The following TRAPPC9 variants were observed in gnomAD, a reference collection of about 807,000 sequenced individuals.
TRAPPC9 encodes trafficking protein particle complex subunit 9, also known as IKK2 binding protein.
TRAPPC9 carries 83 observed loss-of-function variants against 124.0 expected under a neutral mutation model. That is an observed-to-expected ratio of 0.67 (90% CI 0.56 to 0.80). TRAPPC9 has a LOEUF of 0.80. Among genes scored for constraint, TRAPPC9 ranks in the 30% least tolerant of loss-of-function variants. The pLI, the probability that TRAPPC9 is intolerant of heterozygous loss-of-function variation, is 0.00. For missense variants in TRAPPC9, 1,302 were observed against 1,508.3 expected (o/e 0.86, Z 2.27); for synonymous variants, 638 against 617.5 (o/e 1.03, Z -0.49).
At chr8:139,796,859 C>G (rs1823136279) in intron 21 of TRAPPC9, among the ~76,000 whole-genome samples, 1 of 152,236 alleles carries the variant, frequency 6.6e-6, no homozygotes, top group African/African-American at 2.4e-5. Flanking sequence ...ATTACATTCC[C>G]ACCAGCAGTG....
chr8:139,831,669 C>G (rs993646585), intron 21 of TRAPPC9, among the ~76,000 whole-genome samples: 1 of 152,214 alleles, frequency 6.6e-6, no homozygotes. Context: ...CAGTCATCCA[C>G]CCCACCCCTC....
At chr8:140,274,592 T>A (rs935794586) in intron 15 of TRAPPC9, among the ~76,000 whole-genome samples, 1 of 152,234 alleles carries the variant, frequency 6.6e-6, no homozygotes, top group Admixed American at 6.5e-5. Context: ...TCCAGAGCGG[T>A]ACAAGCCCAA....
intron 10 of TRAPPC9, among the ~76,000 whole-genome samples, chr8:140,302,275 A>C (rs1306400625): frequency 6.6e-6 from 1 of 152,142 alleles, no homozygotes; most frequent in Non-Finnish European, 1.5e-5. Flanking sequence ...CGCCCTCCAG[A>C]CCAAGGGCAC....
chr8:139,740,965 C>T (rs1818514213), intron 21 of TRAPPC9, among the ~76,000 whole-genome samples: 1 of 152,174 alleles, frequency 6.6e-6, no homozygotes, highest in South Asian at 2.1e-4. Context: ...GAGGCCCAGC[C>T]CTGGGCAGCT....
chr8:140,359,256 C>T (rs1050604847), intron 9 of TRAPPC9, among the ~76,000 whole-genome samples: 1 of 152,186 alleles, frequency 6.6e-6, no homozygotes, highest in Non-Finnish European at 1.5e-5. Flanking sequence ...ACTCTGCACA[C>T]ATCAGTCTCC....
At chr8:140,009,756 G>C (rs1157472393) in intron 18 of TRAPPC9, among the ~76,000 whole-genome samples, 1 of 151,242 alleles carries the variant, frequency 6.6e-6, no homozygotes, top group Non-Finnish European at 1.5e-5. Context: ...CGTCCCCCCT[G>C]CTATGCTGAT....
chr8:139,761,682 T>C (rs558862302), intron 21 of TRAPPC9, among the ~76,000 whole-genome samples: 2 of 152,106 alleles, frequency 1.3e-5, no homozygotes, highest in African/African-American at 4.8e-5. Flanking sequence ...CTCCACTTCC[T>C]GGCTCCAGGT....
At chr8:140,274,320 C>T (rs2065049849) in intron 15 of TRAPPC9, among the ~76,000 whole-genome samples, 1 of 152,172 alleles carries the variant, frequency 6.6e-6, no homozygotes, top group African/African-American at 2.4e-5. Flanking sequence ...ATGCCCACTC[C>T]CTGCTCTGGG....
At chr8:140,308,081 G>A (rs2066186682) in intron 10 of TRAPPC9, among the ~76,000 whole-genome samples, 1 of 152,080 alleles carries the variant, frequency 6.6e-6, no homozygotes, top group Non-Finnish European at 1.5e-5. Flanking sequence ...CGTGAAAGAT[G>A]ACTAAGTGTC....
chr8:140,315,385 T>C (rs915092218), intron 9 of TRAPPC9, among the ~76,000 whole-genome samples: 2 of 152,072 alleles, frequency 1.3e-5, no homozygotes, highest in Non-Finnish European at 2.9e-5. Flanking sequence ...ATTAACAAGG[T>C]CTTCTTGAAG....
At chr8:139,952,722 T>A (rs961116178) in intron 19 of TRAPPC9, among the ~76,000 whole-genome samples, 1 of 152,216 alleles carries the variant, frequency 6.6e-6, no homozygotes, top group Non-Finnish European at 1.5e-5. Context: ...GGAAAGCAGC[T>A]GTGGCAGTCG....
rs1208711282 is a variant in TRAPPC9, at chr8:139,762,283, G to T, written c.3056-30081C>A. Among the ~76,000 whole-genome samples the T allele has an allele frequency of 3.3e-5, 5 of 152,130 alleles. No individual in the cohort carries two copies. In the East Asian group the frequency reaches 9.7e-4, roughly 29 times the overall value. On this transcript the variant is annotated intron_variant, in intron 21 of 22. Transcript: ENST00000438773. ...GAACCCAAAGAATGATGTGTAATTAGCATATTAAGAACTAGTATGCAAATC... is the reference window on the plus strand; with the variant it reads ...GAACCCAAAGAATGATGTGTAATTATCATATTAAGAACTAGTATGCAAATC...
intron 21 of TRAPPC9, among the ~76,000 whole-genome samples, chr8:139,796,540 CATA>C (rs1823109366): frequency 1.3e-5 from 2 of 152,224 alleles, no homozygotes; most frequent in Admixed American, 1.3e-4. Context: ...TTTCACTTAG[CATA>C]ATGTTTTCAT....
chr8:140,237,363 GAAC>G (rs967099089), intron 16 of TRAPPC9, among the ~76,000 whole-genome samples: 1 of 151,102 alleles, frequency 6.6e-6, no homozygotes, highest in Admixed American at 6.6e-5. Flanking sequence ...CCAGAATTTG[GAAC>G]AACTGCCTTG....
At chr8:140,407,191 T>G (rs1341749570) in intron 5 of TRAPPC9, among the ~76,000 whole-genome samples, 1 of 152,226 alleles carries the variant, frequency 6.6e-6, no homozygotes, top group African/African-American at 2.4e-5. Context: ...ATCTCCTTAC[T>G]AGTTCTCACA....
intron 21 of TRAPPC9, among the ~76,000 whole-genome samples, chr8:139,741,586 C>T (rs1317394804): frequency 6.6e-6 from 1 of 152,144 alleles, no homozygotes; most frequent in Non-Finnish European, 1.5e-5. Flanking sequence ...GTAGTATATT[C>T]AGATATGTGC....
chr8:140,167,145 C>CA (rs35081157), intron 17 of TRAPPC9, among the ~76,000 whole-genome samples: 194 of 142,462 alleles, frequency 1.4e-3, no homozygotes, highest in African/African-American at 2.7e-3. Flanking sequence ...TCATAGCTTT[C>CA]AAAAAAAAAA....
intron 4 of TRAPPC9, among the ~76,000 whole-genome samples, chr8:140,434,842 C>T (rs1588349308): frequency 6.6e-6 from 1 of 151,916 alleles, no homozygotes; most frequent in South Asian, 2.1e-4. Flanking sequence ...TGGTGGCGGG[C>T]GCCTGTAATC....
At chr8:140,263,491 T>C (rs66651422) in intron 15 of TRAPPC9, among the ~76,000 whole-genome samples, 37,477 of 152,084 alleles carry the variant, frequency 0.25, 5,044 homozygotes, top group African/African-American at 0.35. Flanking sequence ...AATTTCAACA[T>C]GTTTTAGAAA....
Sources: gnomAD v4.1 joint callset for allele counts (sites outside exome capture counted in the v4.1 genomes callset) on GRCh38, gnomAD v4.1.1 for gene constraint, MANE v1.5 for transcripts, NCBI Gene and HGNC (gene_info 2026-07-23, HGNC 2026-07-21) for gene names.